GPCPD1: variants seen among roughly 807,000 people sequenced by gnomAD.
GPCPD1 encodes the protein glycerophosphocholine phosphodiesterase GPCPD1.
GPCPD1 carries 29 observed loss-of-function variants against 89.2 expected under a neutral mutation model. The ratio of observed to expected loss-of-function variants is 0.33; its 90% confidence interval spans 0.24 to 0.44. GPCPD1 has a LOEUF of 0.44. GPCPD1 is among the 20% of genes least tolerant of loss of function. GPCPD1 has a pLI of 1.00. For synonymous variants in GPCPD1, 258 were observed against 266.3 expected, an observed-to-expected ratio of 0.97 and a Z score of 0.30; for missense variants, 594 against 808.9, an observed-to-expected ratio of 0.73 and a Z score of 3.22.
At chr20:5,566,234 T>C in intron 14 of GPCPD1, among the ~76,000 whole-genome samples, 1 of 152,148 alleles carries the variant, frequency 6.6e-6, no homozygotes, top group South Asian at 2.1e-4. Flanking sequence ...GGGCTAACAC[T>C]CTAGTTGAAA....
intron 2 of GPCPD1, among the ~76,000 whole-genome samples, chr20:5,603,154 A>C (rs545648000): frequency 6.6e-6 from 1 of 152,028 alleles, no homozygotes; most frequent in African/African-American, 2.4e-5. Context: ...TTAGCCAGGC[A>C]CGGTGATGGA....
intron 12 of GPCPD1, among the ~76,000 whole-genome samples, chr20:5,568,156 C>T (rs1986498203): frequency 6.6e-6 from 1 of 151,204 alleles, no homozygotes; most frequent in Non-Finnish European, 1.5e-5. Context: ...ATCAATGTCA[C>T]TCTGTTGAAG....
At chr20:5,559,203 A>C (rs1985946906) in intron 17 of GPCPD1, among the ~76,000 whole-genome samples, 1 of 152,170 alleles carries the variant, frequency 6.6e-6, no homozygotes. Context: ...TCTGTCTCAA[A>C]TAAATAAATA....
intron 15 of GPCPD1, among the ~76,000 whole-genome samples, chr20:5,562,204 G>T (rs563440742): frequency 3.5e-4 from 54 of 152,280 alleles, no homozygotes; most frequent in African/African-American, 1.2e-3. Flanking sequence ...GAACGGACTT[G>T]TTCAGTCTTA....
intron 12 of GPCPD1, among the ~76,000 whole-genome samples, chr20:5,568,828 G>A (rs1316657801): frequency 2.0e-5 from 3 of 152,068 alleles, no homozygotes; most frequent in East Asian, 1.9e-4. Context: ...CAGGAGAATC[G>A]CTTGAACCCA....
In GPCPD1 at chr20:5,559,876, G is replaced by C. The variant is rs1985992329; in HGVS notation, c.1532+64C>G. On this transcript the variant is annotated intron_variant, in intron 17 of 19. Coordinates refer to ENST00000379019, the MANE Select transcript of GPCPD1 (RefSeq NM_019593.5). ...AAGCTGGACAACTACCCCACCTCCA[G>C]ACTGCTGCCTTAAGTCCTAGACACA... is the stretch of plus-strand genomic sequence containing the variant. 7.1e-5 allele frequency: 61 copies of C among 863,382 alleles called. 1 individual carries two copies. In the South Asian group the frequency reaches 1.3e-3, roughly 18 times the overall value. 53.5% of individuals were successfully genotyped at this position (863,382 alleles called of 1,614,324 possible). A position where few individuals can be genotyped will look rare whatever the true frequency, so the allele number is the denominator to read the frequency against.
At chr20:5,599,376 G>T (rs555087819) in intron 2 of GPCPD1, among the ~76,000 whole-genome samples, 1 of 151,982 alleles carries the variant, frequency 6.6e-6, no homozygotes, top group South Asian at 2.1e-4. Flanking sequence ...TGAGGCAGGA[G>T]AATTCACTTG....
chr20:5,607,873 G>A (rs1476820969), intron 1 of GPCPD1, among the ~76,000 whole-genome samples: 1 of 150,416 alleles, frequency 6.6e-6, no homozygotes, highest in Non-Finnish European at 1.5e-5. Context: ...AATTTTAAGA[G>A]AGCAAATACT....
intron 4 of GPCPD1, among the ~76,000 whole-genome samples, chr20:5,592,503 G>T (rs930192320): frequency 1.3e-5 from 2 of 152,094 alleles, no homozygotes; most frequent in African/African-American, 4.8e-5. Flanking sequence ...GTATAATGGT[G>T]GCTAAGAGCA....
intron 15 of GPCPD1, among the ~76,000 whole-genome samples, chr20:5,563,619 C>T (rs1019109187): frequency 2.0e-5 from 3 of 152,158 alleles, no homozygotes; most frequent in Admixed American, 6.5e-5. Context: ...AACTGTCTGC[C>T]TGCCCTGGCC....
intron 2 of GPCPD1, among the ~76,000 whole-genome samples, chr20:5,603,803 A>T (rs540176029): frequency 2.2e-4 from 33 of 150,440 alleles, no homozygotes; most frequent in African/African-American, 7.9e-4. Flanking sequence ...GTGGAGTGCA[A>T]TGGCACGATC....
At chr20:5,582,770 T>C (rs1177908353) in intron 6 of GPCPD1, among the ~76,000 whole-genome samples, 1 of 151,516 alleles carries the variant, frequency 6.6e-6, no homozygotes, top group Non-Finnish European at 1.5e-5. Context: ...TCACCTATAG[T>C]CCCAGCTACT....
intron 2 of GPCPD1, among the ~76,000 whole-genome samples, chr20:5,602,710 T>C (rs972477949): frequency 6.6e-6 from 1 of 152,024 alleles, no homozygotes; most frequent in African/African-American, 2.4e-5. Context: ...AGGCACGGTC[T>C]GTAATCTCAC....
At chr20:5,548,766 AG>A (rs1391669113) in intron 19 of GPCPD1, 1 of 294,044 alleles carries the variant, frequency 3.4e-6, no homozygotes, top group Non-Finnish European at 6.5e-6. Context: ...AGAACTGAAA[AG>A]GCTGGCTCCC....
chr20:5,580,120 T>C lies in GPCPD1; in HGVS notation c.361A>G (p.Thr121Ala). Residue 121 changes from threonine to alanine, a missense_variant, in exon 7 of 20, where the codon ACT (threonine) becomes GCT (alanine). Physicochemically the swap from Thr to Ala is moderately conservative, Grantham distance 58. Coordinates refer to ENST00000379019, the MANE Select transcript of GPCPD1 (RefSeq NM_019593.5). ...CATGTCAGCCATCCAGAATCCAGAGTTTCAACACCATCTGACAGAATAAAT... is the reference window on the plus strand; with the variant it reads ...CATGTCAGCCATCCAGAATCCAGAGCTTCAACACCATCTGACAGAATAAAT... ...GQFGIHNGVETLDSGWLTCQT... is the reference protein window; with the variant it reads ...GQFGIHNGVEALDSGWLTCQT... 6.7e-7 allele frequency: 1 copy of C among 1,485,850 alleles called. No homozygotes were observed. Among genetic ancestry groups the C allele is most frequent in the Non-Finnish European group, 9.4e-7 (1 of 1,068,790 alleles). 92.0% of individuals were successfully genotyped at this position (1,485,850 alleles called of 1,614,324 possible).
Position 5,545,427 on chromosome 20 carries a change from G to A in GPCPD1, c.*2234C>T, listed in dbSNP as rs1006883133. ...ACAGCCTGATCAAGGTACGAGCCGT[G>A]GAGCACAAAGACGGATTCATCCTTC... On this transcript the variant is annotated 3_prime_UTR_variant, in exon 20 of 20. Coordinates refer to ENST00000379019, the MANE Select transcript of GPCPD1 (RefSeq NM_019593.5). 3.9e-5 allele frequency: 6 copies of A among 152,272 alleles called. No homozygotes were observed. The South Asian group carries it at 1.2e-3, about 32-fold the overall frequency. 9.4% of individuals were successfully genotyped at this position (152,272 alleles called of 1,614,324 possible).
chr20:5,560,092 G>A lies in GPCPD1; in HGVS notation c.1396-16C>T. On this transcript the variant is annotated splice_polypyrimidine_tract_variant and intron_variant, in intron 16 of 19. Transcript: ENST00000379019. ...ACATTCCATCCTAGTGAAAGAGAAA[G>A]CAAAATAAAAGTCACTGCACATCCT... 6.6e-7 allele frequency: 1 copy of A among 1,506,776 alleles called. No individual in the cohort carries two copies. The highest frequency in any genetic ancestry group is 1.3e-5 in the South Asian group (1 of 74,466). 93.3% of individuals were successfully genotyped at this position (1,506,776 alleles called of 1,614,324 possible).
chr20:5,582,572 GACTCCT>G (rs1978613997), intron 6 of GPCPD1, among the ~76,000 whole-genome samples: 1 of 152,116 alleles, frequency 6.6e-6, no homozygotes, highest in South Asian at 2.1e-4. Flanking sequence ...TCCACCTTTT[GACTCCT>G]ACAGTACAGC....
intron 3 of GPCPD1, among the ~76,000 whole-genome samples, chr20:5,598,522 TGA>T (rs1491513086): frequency 6.6e-6 from 1 of 150,502 alleles, no homozygotes; most frequent in African/African-American, 2.4e-5. Flanking sequence ...TGAAAGTGGT[TGA>T]GAGGCAGGGA....
Sources: allele counts gnomAD v4.1 joint callset (sites outside exome capture counted in the v4.1 genomes callset), GRCh38; gene constraint gnomAD v4.1.1; transcripts MANE v1.5; gene names NCBI Gene and HGNC (gene_info 2026-07-23, HGNC 2026-07-21).